NAV3: variants seen among roughly 807,000 people sequenced by gnomAD.
NAV3 encodes the protein pore membrane and/or filament interacting like protein 1.
A neutral mutation model predicts 244.7 loss-of-function variants in NAV3; 87 were observed. The observed-to-expected ratio is 0.36, with a 90% CI of 0.30 to 0.42. The LOEUF (loss-of-function observed/expected upper bound fraction) is 0.42. NAV3 is among the 20% of genes least tolerant of loss of function. The pLI, the probability that NAV3 is intolerant of heterozygous loss-of-function variation, is 1.00. For synonymous variants in NAV3, 1,126 were observed against 1,042.2 expected, an observed-to-expected ratio of 1.08 and a Z score of -1.55; for missense variants, 2,663 against 2,893.3, an observed-to-expected ratio of 0.92 and a Z score of 1.83.
rs79857496 is a variant in NAV3 at position 77,674,139 on chromosome 12, A to C, written c.72+101873A>C. On this transcript the variant is annotated intron_variant, in intron 2 of 8. Transcript: ENST00000550042. Reference sequence around the variant, plus strand: ...ATATCAATGTTTCTTTATAAATGTAAAAATAGCAAACCATTTTATTAGGTT... The same window carrying C: ...ATATCAATGTTTCTTTATAAATGTACAAATAGCAAACCATTTTATTAGGTT... 7.4e-3 allele frequency among the ~76,000 whole-genome samples: 1,123 copies of C among 152,290 alleles called. 19 individuals carry two copies. Among genetic ancestry groups the C allele is most frequent in the African/African-American group, 0.026 (1,071 of 41,548 alleles).
At chr12:78,099,040 C>T (rs981004383) in intron 12 of NAV3, among the ~76,000 whole-genome samples, 1 of 150,230 alleles carries the variant, frequency 6.7e-6, no homozygotes, top group Non-Finnish European at 1.5e-5. Context: ...TAAGTTGCAT[C>T]TGCAGTGTTT....
rs528842186 is a variant in NAV3 at position 78,041,317 on chromosome 12, A to G, written c.2024-8676A>G. ...TACTTTAATTGTTCAAATGATTTGT[A>G]AATTCAAGGGAAGAAATTTACAGGC... is the stretch of plus-strand genomic sequence containing the variant. On this transcript the variant is annotated intron_variant, in intron 9 of 39. Transcript: ENST00000397909. Among the ~76,000 whole-genome samples, 163 of 152,342 alleles carry G rather than the reference A, an allele frequency of 1.1e-3. 1 individual carries two copies. The highest frequency in any genetic ancestry group is 9.3e-4 in the Non-Finnish European group (63 of 68,020).
intron 29 of NAV3, among the ~76,000 whole-genome samples, chr12:78,180,094 A>G (rs969241552): frequency 2.6e-5 from 4 of 152,286 alleles, no homozygotes; most frequent in Admixed American, 1.3e-4. Context: ...TGAGGAAACT[A>G]TAGAAATTCA....
At chr12:77,951,464 G>A (rs1045556494) in intron 3 of NAV3, among the ~76,000 whole-genome samples, 3 of 152,218 alleles carry the variant, frequency 2.0e-5, no homozygotes, top group Non-Finnish European at 2.9e-5. Context: ...CTTTTACACT[G>A]TTGGTGGGAC....
At chr12:77,650,441 A>T (rs1872774647) in intron 2 of NAV3, among the ~76,000 whole-genome samples, 1 of 152,138 alleles carries the variant, frequency 6.6e-6, no homozygotes, top group Non-Finnish European at 1.5e-5. Context: ...CTCTGCTGTC[A>T]TGAGGTAGTT....
At chr12:77,661,063 G>C (rs781681769) in intron 2 of NAV3, among the ~76,000 whole-genome samples, 2 of 152,048 alleles carry the variant, frequency 1.3e-5, no homozygotes, top group African/African-American at 2.4e-5. Context: ...CACCTTCAAG[G>C]CTTTAAATGT....
chr12:77,816,932 T>C (rs1872549643), intron 2 of NAV3, among the ~76,000 whole-genome samples: 1 of 152,186 alleles, frequency 6.6e-6, no homozygotes, highest in Non-Finnish European at 1.5e-5. Flanking sequence ...TAAAGTGCCA[T>C]GTATATGTTA....
At chr12:77,622,784 G>A (rs1035698392) in intron 2 of NAV3, among the ~76,000 whole-genome samples, 11 of 152,118 alleles carry the variant, frequency 7.2e-5, no homozygotes, top group African/African-American at 2.2e-4. Context: ...GAAACATAAA[G>A]TTGGATGACA....
upstream of NAV3, among the ~76,000 whole-genome samples, chr12:77,827,090 A>G (rs1873078819): frequency 6.6e-6 from 1 of 151,990 alleles, no homozygotes; most frequent in Non-Finnish European, 1.5e-5. Flanking sequence ...AAAATTAGCC[A>G]GGCGTAGTGG....
At chr12:77,975,574 T>C (rs1401214009) in intron 5 of NAV3, among the ~76,000 whole-genome samples, 2 of 152,222 alleles carry the variant, frequency 1.3e-5, no homozygotes, top group Admixed American at 1.3e-4. Flanking sequence ...CAGAATGTTG[T>C]CGGTGAATAT....
At chr12:78,148,536 TAGA>T (rs1956953303) in intron 21 of NAV3, among the ~76,000 whole-genome samples, 1 of 152,164 alleles carries the variant, frequency 6.6e-6, no homozygotes, top group Non-Finnish European at 1.5e-5. Context: ...ACAGTTTTTC[TAGA>T]AGGAGAAGAA....
rs554615613 is a variant in NAV3 at position 77,805,378 on chromosome 12, G to T, written c.73-134941G>T. Reference sequence around the variant, plus strand: ...TTTATTGAGAGTTTTTAGCATGAAGGAGTGTTGAATTTTATCAAAGGTCTT... The same window carrying T: ...TTTATTGAGAGTTTTTAGCATGAAGTAGTGTTGAATTTTATCAAAGGTCTT... On this transcript the variant is annotated intron_variant, in intron 2 of 8. Transcript: ENST00000550042. Among the ~76,000 whole-genome samples the T allele has an allele frequency of 3.3e-5, 5 of 152,244 alleles. No individual in the cohort carries two copies. In the East Asian group the frequency reaches 9.6e-4, roughly 29 times the overall value.
intron 2 of NAV3, among the ~76,000 whole-genome samples, chr12:77,666,432 G>A (rs1873721136): frequency 6.6e-6 from 1 of 151,880 alleles, no homozygotes; most frequent in Non-Finnish European, 1.5e-5. Context: ...ATCATATGAA[G>A]AGAGACGCTA....
At chr12:77,901,482 G>T (rs1040542130) in intron 1 of NAV3, among the ~76,000 whole-genome samples, 9 of 152,042 alleles carry the variant, frequency 5.9e-5, no homozygotes, top group Non-Finnish European at 1.0e-4. Context: ...GGCTGAGGCG[G>T]GTGGATCACC....
chr12:77,660,614 A>G (rs996055631), intron 2 of NAV3, among the ~76,000 whole-genome samples: 5 of 152,116 alleles, frequency 3.3e-5, no homozygotes, highest in African/African-American at 4.8e-5. Context: ...TTGTATGCAT[A>G]TATATGTATG....
intron 1 of NAV3, among the ~76,000 whole-genome samples, chr12:77,853,736 G>C (rs187436488): frequency 6.6e-6 from 1 of 152,036 alleles, no homozygotes; most frequent in Non-Finnish European, 1.5e-5. Flanking sequence ...AACTCTTAAC[G>C]TATGCATACC....
At chr12:77,580,219 A>AACACACACAC (rs59671759) in intron 2 of NAV3, among the ~76,000 whole-genome samples, 89 of 145,490 alleles carry the variant, frequency 6.1e-4, no homozygotes, top group African/African-American at 1.8e-3. Context: ...GTAGGGTGGG[A>AACACACACAC]ACACACACAC....
intron 2 of NAV3, among the ~76,000 whole-genome samples, chr12:77,609,212 C>T (rs1285334148): frequency 6.6e-6 from 1 of 151,866 alleles, no homozygotes; most frequent in African/African-American, 2.4e-5. Flanking sequence ...AAACCAAAAC[C>T]AAAAAACTCT....
In NAV3 at chr12:78,118,288, A is replaced by C; in HGVS notation, c.3031A>C (p.Lys1011Gln). The C allele has an allele frequency of 6.2e-7, 1 of 1,603,782 alleles. No homozygotes were observed. The highest frequency in any genetic ancestry group is 1.7e-5 in the Admixed American group (1 of 59,154). The change falls in exon 14 of 40, where the codon AAA becomes CAA. Residue 1011 changes from lysine (K) to glutamine (Q), a missense_variant. Lys to Gln is a moderately conservative substitution (Grantham distance 53). Transcript: ENST00000397909. ...SRQKAGTSAL[K>Q]TPGKTDDAKA... ...GCAGAAAGCTGGAACAAGTGCACTC[A>C]AAACACCCGGTAGGCTTGTCGTTTG...
Sources: gnomAD v4.1 joint callset for allele counts (sites outside exome capture counted in the v4.1 genomes callset) on GRCh38, gnomAD v4.1.1 for gene constraint, MANE v1.5 for transcripts, NCBI Gene and HGNC (gene_info 2026-07-23, HGNC 2026-07-21) for gene names.